ADAM22: variants seen among roughly 807,000 people sequenced by gnomAD.
ADAM22 encodes the protein ADAM metallopeptidase domain 22.
A neutral mutation model predicts 144.6 loss-of-function variants in ADAM22; 65 were observed. That is an observed-to-expected ratio of 0.45 (90% confidence interval 0.37 to 0.55). ADAM22 has a LOEUF of 0.55. Ranked by LOEUF, ADAM22 falls within the 20% of genes least tolerant of loss-of-function variation. The pLI is 0.00. For missense variants in ADAM22, 974 were observed against 1,184.9 expected, an observed-to-expected ratio of 0.82 and a Z score of 2.61; for synonymous variants, 391 against 412.6, an observed-to-expected ratio of 0.95 and a Z score of 0.63.
intron 4 of ADAM22, among the ~76,000 whole-genome samples, chr7:88,096,282 T>C (rs933173123): frequency 1.7e-4 from 26 of 151,892 alleles, no homozygotes; most frequent in African/African-American, 6.3e-4. Flanking sequence ...TACCAAAATA[T>C]ATTTTTCAAT....
At chr7:88,052,512 G>A (rs4728725) in intron 3 of ADAM22, among the ~76,000 whole-genome samples, 108,584 of 150,954 alleles carry the variant, frequency 0.72, 40,870 homozygotes, top group African/African-American at 0.9. Context: ...AAAAAAAAAA[G>A]TTCCCAGATG....
chr7:88,085,373 C>G (rs1045988336), intron 4 of ADAM22, among the ~76,000 whole-genome samples: 1 of 152,188 alleles, frequency 6.6e-6, no homozygotes, highest in East Asian at 1.9e-4. Context: ...AATGGCTGTA[C>G]TCAGGTGTCT....
At chr7:87,938,470 C>G (rs899831593) in intron 2 of ADAM22, among the ~76,000 whole-genome samples, 1 of 151,698 alleles carries the variant, frequency 6.6e-6, no homozygotes, top group Admixed American at 6.6e-5. Flanking sequence ...CCTCCCACCT[C>G]GGCCACCCAA....
intron 3 of ADAM22, among the ~76,000 whole-genome samples, chr7:87,982,670 C>CATATATATATATATATATATATATAT (rs3086405): frequency 3.4e-4 from 13 of 38,102 alleles, no homozygotes; most frequent in East Asian, 8.6e-4. Context: ...TCAGTTATTA[C>CATATATATATATATATATATATATAT]ATATATATAT....
chr7:88,149,317 G>T (rs967223273), intron 18 of ADAM22, among the ~76,000 whole-genome samples: 1 of 152,080 alleles, frequency 6.6e-6, no homozygotes, highest in African/African-American at 2.4e-5. Flanking sequence ...GTAGTACAAG[G>T]CATTTTCTTT....
intron 2 of ADAM22, among the ~76,000 whole-genome samples, chr7:87,972,211 A>C (rs1475994094): frequency 6.6e-6 from 1 of 152,248 alleles, no homozygotes; most frequent in African/African-American, 2.4e-5. Flanking sequence ...AATCTCCTTA[A>C]GTTGTTAAGC....
intron 26 of ADAM22, among the ~76,000 whole-genome samples, chr7:88,175,257 TG>T (rs1027486782): frequency 1.3e-5 from 2 of 152,166 alleles, no homozygotes; most frequent in Non-Finnish European, 2.9e-5. Context: ...TTTATAATTA[TG>T]AACACATTAA....
intron 4 of ADAM22, among the ~76,000 whole-genome samples, chr7:88,087,113 C>T (rs1416851058): frequency 2.0e-5 from 3 of 152,136 alleles, no homozygotes; most frequent in Admixed American, 2.0e-4. Context: ...GATTCTCTAA[C>T]TCCAGAGCTG....
intron 3 of ADAM22, among the ~76,000 whole-genome samples, chr7:87,988,573 A>G (rs1409836259): frequency 1.3e-5 from 2 of 152,236 alleles, no homozygotes; most frequent in Non-Finnish European, 2.9e-5. Context: ...AAAGCAAGTC[A>G]TATTTGCGTA....
intron 2 of ADAM22, among the ~76,000 whole-genome samples, chr7:87,963,443 A>T (rs921262257): frequency 4.0e-5 from 6 of 151,536 alleles, no homozygotes; most frequent in African/African-American, 1.5e-4. Context: ...CAAGAAGTTT[A>T]AAAAAAACTA....
chr7:87,978,825 T>C (rs1852542201), intron 3 of ADAM22, among the ~76,000 whole-genome samples: 2 of 152,238 alleles, frequency 1.3e-5, no homozygotes, highest in Non-Finnish European at 2.9e-5. Context: ...TGATGTTAAA[T>C]AGTACCTGGT....
At chr7:88,059,811 T>C (rs1293417020) in intron 3 of ADAM22, among the ~76,000 whole-genome samples, 3 of 152,084 alleles carry the variant, frequency 2.0e-5, no homozygotes, top group Non-Finnish European at 4.4e-5. Context: ...AAGCTAAACA[T>C]TGGGTACGCA....
chr7:87,972,598 G>A (rs1284367539), intron 2 of ADAM22, among the ~76,000 whole-genome samples: 1 of 152,172 alleles, frequency 6.6e-6, no homozygotes, highest in Admixed American at 6.5e-5. Context: ...AAGTTCATAT[G>A]GAACCAAAAA....
At chr7:88,052,991 T>G (rs1421021714) in intron 3 of ADAM22, among the ~76,000 whole-genome samples, 2 of 152,222 alleles carry the variant, frequency 1.3e-5, no homozygotes, top group African/African-American at 2.4e-5. Flanking sequence ...TTGAAAATAT[T>G]ATATGGGTAT....
Position 88,172,194 on chromosome 7 carries a change from A to T in ADAM22, c.2300+633A>T, listed in dbSNP as rs1484683427. ...ACACCCTGTATAGCATAACCGTAAAAATCTATGTTTAACCAACAGCTTAAA... is the reference window on the plus strand; with the variant it reads ...ACACCCTGTATAGCATAACCGTAAATATCTATGTTTAACCAACAGCTTAAA... On this transcript the variant is annotated intron_variant, in intron 26 of 31. Transcript: ENST00000413139. Among the ~76,000 whole-genome samples the T allele has an allele frequency of 2.6e-5, 4 of 151,894 alleles. No individual in the cohort carries two copies. In the East Asian group the frequency reaches 7.7e-4, roughly 29 times the overall value.
At chr7:88,047,247 C>A (rs1804914316) in intron 3 of ADAM22, among the ~76,000 whole-genome samples, 1 of 152,188 alleles carries the variant, frequency 6.6e-6, no homozygotes, top group African/African-American at 2.4e-5. Flanking sequence ...GCAGGCTTAT[C>A]TTTTCTCTAC....
At position 88,181,512 on chromosome 7, in the gene ADAM22, G is replaced by T. The variant is rs746086263; in HGVS notation, c.2503G>T (p.Gly835Trp). ...NISLFCSRSN[G>W]LSHSWSERIP... Reference sequence around the variant, plus strand: ...CAATATTTTCAATTTCAGGTCAAATGGGCTCTCTCATTCTTGGAGTGAAAG... The same window carrying T: ...CAATATTTTCAATTTCAGGTCAAATTGGCTCTCTCATTCTTGGAGTGAAAG... The change falls in exon 28 of 32, where the codon GGG becomes TGG. Residue 835 changes from glycine (G) to tryptophan (W), a missense_variant. By Grantham distance (184) the Gly-to-Trp change is radical (BLOSUM62 -2). This residue lies in a region of ADAM22 where 734 missense variants were observed against 950.6 expected (regional missense o/e 0.77). Coordinates refer to ENST00000413139, the MANE Select transcript of ADAM22 (RefSeq NM_001324418.2). 11 of 1,613,052 alleles carry T rather than the reference G, an allele frequency of 6.8e-6. No individual in the cohort carries two copies. Among genetic ancestry groups the T allele is most frequent in the Non-Finnish European group, 9.3e-6 (11 of 1,179,404 alleles).
intron 3 of ADAM22, among the ~76,000 whole-genome samples, chr7:88,057,316 A>G (rs890261576): frequency 3.3e-5 from 5 of 152,320 alleles, no homozygotes; most frequent in Non-Finnish European, 7.4e-5. Context: ...TTTGAGTTTT[A>G]GAAGTAGCCA....
intron 3 of ADAM22, among the ~76,000 whole-genome samples, chr7:87,994,940 G>T (rs1790782431): frequency 6.6e-6 from 1 of 151,988 alleles, no homozygotes; most frequent in African/African-American, 2.4e-5. Context: ...CCATCCTCCT[G>T]CCTCAGCCTC....
Sources: allele counts gnomAD v4.1 joint callset (sites outside exome capture counted in the v4.1 genomes callset), GRCh38; gene constraint gnomAD v4.1.1; regional missense constraint gnomAD v4.1.1; transcripts MANE v1.5; gene names NCBI Gene and HGNC (gene_info 2026-07-23, HGNC 2026-07-21).